SOX5: variants seen among roughly 807,000 people sequenced by gnomAD.
SOX5 encodes the protein SRY-box transcription factor 5.
A neutral mutation model predicts 92.0 loss-of-function variants in SOX5; 9 were observed. That is an observed-to-expected ratio of 0.10 (90% CI 0.06 to 0.17). The LOEUF (loss-of-function observed/expected upper bound fraction) is 0.17. Ranked by LOEUF, SOX5 falls within the 10% of genes least tolerant of loss-of-function variation. The pLI is 1.00. For synonymous variants in SOX5, 344 were observed against 336.3 expected, an observed-to-expected ratio of 1.02 and a Z score of -0.25; for missense variants, 642 against 944.5, an observed-to-expected ratio of 0.68 and a Z score of 4.20.
At chr12:23,855,974 T>A (rs1210901995) in intron 2 of SOX5, among the ~76,000 whole-genome samples, 2 of 152,150 alleles carry the variant, frequency 1.3e-5, no homozygotes, top group Non-Finnish European at 2.9e-5. Flanking sequence ...AGAAGCTTTT[T>A]GTGAAAGAAG....
chr12:24,304,414 G>A (rs1446429266), intron 2 of SOX5, among the ~76,000 whole-genome samples: 1 of 152,154 alleles, frequency 6.6e-6, no homozygotes, highest in East Asian at 1.9e-4. Context: ...GAAATTTTCT[G>A]ATTAAAGGAG....
At chr12:23,941,524 T>A (rs1016010420) in intron 1 of SOX5, among the ~76,000 whole-genome samples, 1 of 151,542 alleles carries the variant, frequency 6.6e-6, no homozygotes, top group Non-Finnish European at 1.5e-5. Flanking sequence ...TGTAGTTATA[T>A]TTAGGACTGG....
chr12:24,224,006 A>G (rs1961227660), intron 3 of SOX5, among the ~76,000 whole-genome samples: 1 of 152,194 alleles, frequency 6.6e-6, no homozygotes, highest in African/African-American at 2.4e-5. Flanking sequence ...CGCATGAACT[A>G]AAGTGGAAAG....
intron 9 of SOX5, among the ~76,000 whole-genome samples, chr12:23,592,597 T>A (rs1436468622): frequency 1.3e-5 from 2 of 152,186 alleles, no homozygotes; most frequent in Non-Finnish European, 2.9e-5. Context: ...CTATTCTTGA[T>A]ATTTAGAAAC....
At chr12:23,949,466 C>G in intron 1 of SOX5, 98 bp downstream of exon 1, 3 of 1,464,202 alleles carry the variant, frequency 2.0e-6, no homozygotes, top group Non-Finnish European at 2.9e-6. Context: ...GCTTCTCTAA[C>G]AAACACGTTT....
At chr12:24,000,530 C>G (rs1244584871) in intron 4 of SOX5, among the ~76,000 whole-genome samples, 1 of 151,986 alleles carries the variant, frequency 6.6e-6, no homozygotes, top group Non-Finnish European at 1.5e-5. Flanking sequence ...CTCTACAACA[C>G]CACTAATAAT....
intron 10 of SOX5, among the ~76,000 whole-genome samples, chr12:23,570,923 A>AAG (rs1948128303): frequency 2.4e-5 from 1 of 42,228 alleles, no homozygotes; most frequent in Non-Finnish European, 4.6e-5. Context: ...AAAAAAAAAA[A>AAG]AAAAAAAATA....
rs560523848 is a variant in SOX5 at position 24,285,008 on chromosome 12, C to T, written c.-173-7696G>A. Among the ~76,000 whole-genome samples, 11 of 152,084 alleles carry T rather than the reference C, an allele frequency of 7.2e-5. No individual in the cohort carries two copies. In the East Asian group the frequency reaches 2.1e-3, roughly 29 times the overall value. On this transcript the variant is annotated intron_variant, in intron 2 of 4. Coordinates refer to the SOX5 transcript ENST00000446891. The stretch of plus-strand genomic sequence containing the variant: ...GGCGTGGTGGCGGGCACCTATAATC[C>T]CAGCTACTTGGGATGCTGAGGCAGG...
chr12:23,742,919 A>G (rs1332814965), intron 4 of SOX5, among the ~76,000 whole-genome samples: 1 of 151,668 alleles, frequency 6.6e-6, no homozygotes, highest in Non-Finnish European at 1.5e-5. Flanking sequence ...ACTTGAGTCC[A>G]GGAATTTGAG....
intron 1 of SOX5, among the ~76,000 whole-genome samples, chr12:24,371,327 C>T (rs1262782864): frequency 3.3e-5 from 5 of 151,992 alleles, no homozygotes; most frequent in Admixed American, 2.0e-4. Flanking sequence ...AGTATAAGTT[C>T]GGAGACAGAT....
At chr12:23,802,220 C>T (rs999995452) in intron 3 of SOX5, among the ~76,000 whole-genome samples, 13 of 152,020 alleles carry the variant, frequency 8.6e-5, no homozygotes, top group Non-Finnish European at 1.6e-4. Flanking sequence ...ACTACAGGCA[C>T]CCACCACCAT....
intron 8 of SOX5, among the ~76,000 whole-genome samples, chr12:23,640,375 G>A (rs1592842788): frequency 6.6e-6 from 1 of 152,268 alleles, no homozygotes; most frequent in East Asian, 1.9e-4. Flanking sequence ...GCTGGTATTA[G>A]CAAGAGAACA....
At chr12:23,840,401 A>G (rs1375465239) in intron 3 of SOX5, among the ~76,000 whole-genome samples, 2 of 152,124 alleles carry the variant, frequency 1.3e-5, no homozygotes, top group Non-Finnish European at 2.9e-5. Flanking sequence ...TAAGGTGTCA[A>G]TTCTTCCCAA....
chr12:24,134,724 G>C (rs1949960956), intron 4 of SOX5, among the ~76,000 whole-genome samples: 2 of 152,114 alleles, frequency 1.3e-5, no homozygotes, highest in South Asian at 4.1e-4. Flanking sequence ...CAAAAACACA[G>C]AATTACCCAG....
chr12:23,637,081 T>C (rs1019727822), intron 8 of SOX5, among the ~76,000 whole-genome samples: 1 of 152,204 alleles, frequency 6.6e-6, no homozygotes, highest in African/African-American at 2.4e-5. Context: ...TGAGTTAAAA[T>C]CATTATGTTT....
chr12:24,441,710 G>A (rs1320985837), intron 1 of SOX5, among the ~76,000 whole-genome samples: 28 of 152,120 alleles, frequency 1.8e-4, no homozygotes, highest in Non-Finnish European at 1.5e-5. Context: ...ACAATGGGGG[G>A]AAAAAGAAAT....
chr12:24,071,424 T>C (rs1056323821), intron 4 of SOX5, among the ~76,000 whole-genome samples: 5 of 152,076 alleles, frequency 3.3e-5, no homozygotes, highest in African/African-American at 9.7e-5. Context: ...AGCCTTGTTT[T>C]TTATTTTTAT....
At chr12:23,620,607 A>G (rs2077055497) in intron 8 of SOX5, among the ~76,000 whole-genome samples, 1 of 152,088 alleles carries the variant, frequency 6.6e-6, no homozygotes, top group Non-Finnish European at 1.5e-5. Flanking sequence ...ACCATTTGAA[A>G]AAGAAAAAGG....
At chr12:24,509,456 C>A (rs945851234) in intron 1 of SOX5, among the ~76,000 whole-genome samples, 1 of 152,078 alleles carries the variant, frequency 6.6e-6, no homozygotes, top group African/African-American at 2.4e-5. Flanking sequence ...GGCAAAAAAA[C>A]CAAAGTGACA....
Sources: gnomAD v4.1 joint callset for allele counts (sites outside exome capture counted in the v4.1 genomes callset) on GRCh38, gnomAD v4.1.1 for gene constraint, MANE v1.5 for transcripts, NCBI Gene and HGNC (gene_info 2026-07-23, HGNC 2026-07-21) for gene names.